ARID1B: variants seen among roughly 807,000 people sequenced by gnomAD.
ARID1B encodes AT-rich interaction domain 1B.
A neutral mutation model predicts 212.3 loss-of-function variants in ARID1B; 30 were observed. The observed-to-expected ratio is 0.14, with a 90% confidence interval of 0.11 to 0.19. The LOEUF (loss-of-function observed/expected upper bound fraction) is 0.19, where lower values mean the gene tolerates loss of function less well. ARID1B is among the 10% of genes least tolerant of loss of function. The pLI, the probability that ARID1B is intolerant of heterozygous loss-of-function variation, is 1.00. For synonymous variants in ARID1B, 1,402 were observed against 1,301.7 expected, an observed-to-expected ratio of 1.08 and a Z score of -1.66; for missense variants, 2,891 against 3,204.0, an observed-to-expected ratio of 0.90 and a Z score of 2.36.
intron 5 of ARID1B, among the ~76,000 whole-genome samples, chr6:157,089,024 C>CCTGCCATATCTCATCACCTCCT (rs1785121234): frequency 6.6e-6 from 1 of 152,210 alleles, no homozygotes. Context: ...CCTGTTGCTT[C>CCTGCCATATCTCATCACCTCCT]CTGCCATATC....
intron 2 of ARID1B, among the ~76,000 whole-genome samples, chr6:156,847,880 C>T (rs1279928854): frequency 1.3e-5 from 2 of 152,252 alleles, no homozygotes; most frequent in South Asian, 4.2e-4. Context: ...CGACCTCCTC[C>T]CTGGAAGCCC....
chr6:157,034,988 C>T (rs1474518999), intron 4 of ARID1B, among the ~76,000 whole-genome samples: 1 of 152,136 alleles, frequency 6.6e-6, no homozygotes, highest in South Asian at 2.1e-4. Flanking sequence ...GTGAAGGGTG[C>T]CCTGGTGGGA....
At position 157,149,177 on chromosome 6, in the gene ARID1B, A is replaced by T. The variant is rs1201467544; in HGVS notation, c.3089+226A>T. 5.3e-6 allele frequency: 3 copies of T among 564,844 alleles called. No individual in the cohort carries two copies. In the South Asian group the frequency reaches 6.6e-5, roughly 12 times the overall value. 35.0% of individuals were successfully genotyped at this position (564,844 alleles called of 1,614,324 possible). A position where few individuals can be genotyped will look rare whatever the true frequency, so the allele number is the denominator to read the frequency against. On this transcript the variant is annotated intron_variant, in intron 8 of 19. Transcript: ENST00000636930. ...TGAGGAAGGAATGTGAGCGGTGAGC[A>T]CATCAGTCGTGGGAGGTGATTTGAA...
intron 2 of ARID1B, among the ~76,000 whole-genome samples, chr6:156,856,848 AT>A (rs2128119911): frequency 7.4e-6 from 1 of 134,262 alleles, no homozygotes; most frequent in East Asian, 2.1e-4. Context: ...AGGGGAAGAA[AT>A]TTGGGGGAAA....
chr6:157,030,083 T>C (rs1427995935), intron 4 of ARID1B, among the ~76,000 whole-genome samples: 1 of 152,180 alleles, frequency 6.6e-6, no homozygotes, highest in African/African-American at 2.4e-5. Flanking sequence ...TTCTACAGTT[T>C]GACGATTTGG....
rs780494740 is a variant in ARID1B, at chr6:157,181,199, G to A, written c.3714+21G>A. 8 of 1,610,048 alleles carry A rather than the reference G, an allele frequency of 5.0e-6. No individual in the cohort carries two copies. The African/African-American group carries it at 9.4e-5, about 19-fold the overall frequency. ...CCCAGGTAAGAATGAGTGAGGGAGGGGGTGAAAAAGGAAGCATTGTGGATA... is the reference window on the plus strand; with the variant it reads ...CCCAGGTAAGAATGAGTGAGGGAGGAGGTGAAAAAGGAAGCATTGTGGATA... On this transcript the variant is annotated intron_variant, in intron 12 of 19. Coordinates refer to ENST00000636930, the MANE Select transcript of ARID1B (RefSeq NM_001374828.1).
intron 4 of ARID1B, among the ~76,000 whole-genome samples, chr6:157,069,681 T>A (rs1783892078): frequency 6.6e-6 from 1 of 152,254 alleles, no homozygotes; most frequent in Non-Finnish European, 1.5e-5. Flanking sequence ...CATAGACCAA[T>A]TGCCAGTGCC....
intron 4 of ARID1B, among the ~76,000 whole-genome samples, chr6:157,014,983 G>T (rs1308400309): frequency 6.6e-6 from 1 of 152,104 alleles, no homozygotes; most frequent in Non-Finnish European, 1.5e-5. Context: ...TTATAACTCA[G>T]TATTTTGAAG....
At chr6:156,980,355 C>T (rs1024531090) in intron 4 of ARID1B, among the ~76,000 whole-genome samples, 1 of 151,906 alleles carries the variant, frequency 6.6e-6, no homozygotes, top group African/African-American at 2.4e-5. Flanking sequence ...TGGTGGTGGG[C>T]GCCTGTAATC....
At chr6:156,975,361 G>A (rs1562522255) in intron 4 of ARID1B, among the ~76,000 whole-genome samples, 1 of 151,998 alleles carries the variant, frequency 6.6e-6, no homozygotes, top group Non-Finnish European at 1.5e-5. Context: ...AGTTTTAAGG[G>A]TTCTTTATAT....
chr6:157,160,990 G>A (rs1049379268), intron 8 of ARID1B, among the ~76,000 whole-genome samples: 2 of 152,172 alleles, frequency 1.3e-5, no homozygotes, highest in Non-Finnish European at 2.9e-5. Context: ...TTTGACTTTG[G>A]TTGTGTTTGT....
At chr6:157,028,839 T>C (rs1197242208) in intron 4 of ARID1B, among the ~76,000 whole-genome samples, 1 of 152,254 alleles carries the variant, frequency 6.6e-6, no homozygotes, top group Non-Finnish European at 1.5e-5. Context: ...AATCATGCCC[T>C]GTAGCATAGG....
chr6:156,960,906 C>T (rs906079491), intron 4 of ARID1B, among the ~76,000 whole-genome samples: 1 of 152,088 alleles, frequency 6.6e-6, no homozygotes, highest in East Asian at 1.9e-4. Context: ...GAAGTGTTTT[C>T]CTCTCTAGTT....
chr6:157,000,322 G>T (rs1431345604), intron 4 of ARID1B, among the ~76,000 whole-genome samples: 1 of 152,138 alleles, frequency 6.6e-6, no homozygotes, highest in African/African-American at 2.4e-5. Flanking sequence ...TGAACCAGAG[G>T]GAAGTAGGCT....
intron 5 of ARID1B, among the ~76,000 whole-genome samples, chr6:157,101,285 T>C (rs1170956009): frequency 2.0e-5 from 3 of 152,202 alleles, no homozygotes; most frequent in African/African-American, 7.2e-5. Context: ...TGTATTGATT[T>C]TGTAGCACCA....
chr6:157,030,107 G>A lies in ARID1B; in HGVS notation c.2248-54555G>A, dbSNP rs376267101. The stretch of plus-strand genomic sequence containing the variant: ...TTGACGATTTGGGCTGGGCTCAGCT[G>A]GGTGGTTCTGGTTTGTACTGGGCTT... On this transcript the variant is annotated intron_variant, in intron 4 of 19. Transcript: ENST00000636930. Among the ~76,000 whole-genome samples the A allele has an allele frequency of 3.5e-4, 53 of 152,306 alleles. 1 individual carries two copies. In the South Asian group the frequency reaches 0.01, roughly 30 times the overall value.
chr6:156,918,588 C>T (rs1790540603), intron 3 of ARID1B, among the ~76,000 whole-genome samples: 1 of 152,186 alleles, frequency 6.6e-6, no homozygotes, highest in Non-Finnish European at 1.5e-5. Flanking sequence ...TTTCTTTCTT[C>T]TTGCTACAGT....
At chr6:157,189,820 T>G in intron 14 of ARID1B, 40 bp downstream of exon 14, 1 of 1,611,372 alleles carries the variant, frequency 6.2e-7, no homozygotes, top group Non-Finnish European at 8.5e-7. Flanking sequence ...AAAGTCACAT[T>G]TGTTCATCTT....
intron 4 of ARID1B, among the ~76,000 whole-genome samples, chr6:157,065,128 C>T (rs368896658): frequency 2.6e-4 from 39 of 152,170 alleles, no homozygotes; most frequent in African/African-American, 8.9e-4. Context: ...ATTCACCTCT[C>T]CACGTCCCTA....
Sources: allele counts gnomAD v4.1 joint callset (sites outside exome capture counted in the v4.1 genomes callset), GRCh38; gene constraint gnomAD v4.1.1; transcripts MANE v1.5; gene names NCBI Gene and HGNC (gene_info 2026-07-23, HGNC 2026-07-21).